The following MBNL2 variants were observed in gnomAD, a reference collection of about 807,000 sequenced individuals.
MBNL2 encodes muscleblind-like protein 2.
Under a neutral mutation model 41.9 loss-of-function variants are expected in MBNL2, and 17 were observed. That is an observed-to-expected ratio of 0.41 (90% CI 0.28 to 0.61). The LOEUF is 0.61. Ranked by LOEUF, MBNL2 falls within the 20% of genes least tolerant of loss-of-function variation. The pLI is 0.35. For missense variants in MBNL2, 336 were observed against 505.6 expected (o/e 0.66, Z 3.22); for synonymous variants, 195 against 182.9 (o/e 1.07, Z -0.53).
At chr13:97,219,531 G>A (rs1437681613), upstream of MBNL2, among the ~76,000 whole-genome samples, 1 of 152,198 alleles carries the variant, frequency 6.6e-6, no homozygotes, top group Non-Finnish European at 1.5e-5. Flanking sequence ...TGAGGTCTCT[G>A]TTCCTGGCTT....
chr13:97,318,863 A>T (rs1415418374), intron 2 of MBNL2, among the ~76,000 whole-genome samples: 3 of 152,214 alleles, frequency 2.0e-5, no homozygotes, highest in Non-Finnish European at 4.4e-5. Flanking sequence ...GGACACAGAG[A>T]TGGAGATTTC....
chr13:97,205,333 T>C, the MBNL2 span, among the ~76,000 whole-genome samples: 68 of 151,274 alleles, frequency 4.5e-4, no homozygotes, highest in Admixed American at 2.0e-3. Flanking sequence ...AGAGGTACAA[T>C]GAGCTGAGAT....
intron 1 of MBNL2, among the ~76,000 whole-genome samples, chr13:97,255,717 A>C (rs1218937841): frequency 6.6e-6 from 1 of 152,180 alleles, no homozygotes; most frequent in African/African-American, 2.4e-5. Context: ...TCTTTTATTC[A>C]AGAAACTGTT....
At chr13:97,209,449 A>T in the MBNL2 span, among the ~76,000 whole-genome samples, 3 of 152,330 alleles carry the variant, frequency 2.0e-5, no homozygotes, top group South Asian at 4.1e-4. Flanking sequence ...GAAGGTAAAG[A>T]AAGTGACTTC....
intron 1 of MBNL2, among the ~76,000 whole-genome samples, chr13:97,235,099 A>C (rs9582120): frequency 0.015 from 2,214 of 152,278 alleles, 48 homozygotes; most frequent in African/African-American, 0.049. Context: ...CCATTTCTCT[A>C]TGAGGTGACC....
At chr13:97,326,187 A>G (rs1165614762) in intron 2 of MBNL2, among the ~76,000 whole-genome samples, 2 of 152,228 alleles carry the variant, frequency 1.3e-5, no homozygotes, top group Non-Finnish European at 2.9e-5. Context: ...CCACTTACCT[A>G]TGTAACTTCA....
At chr13:97,351,703 A>T (rs1242786937) in intron 5 of MBNL2, among the ~76,000 whole-genome samples, 2 of 152,128 alleles carry the variant, frequency 1.3e-5, no homozygotes, top group East Asian at 3.8e-4. Flanking sequence ...GCCTTCATAG[A>T]ATTGAGGAGA....
intron 5 of MBNL2, among the ~76,000 whole-genome samples, chr13:97,355,844 A>G (rs966304452): frequency 6.6e-6 from 1 of 152,148 alleles, no homozygotes. Context: ...ACTTTTCATT[A>G]ATGGGGTTGC....
chr13:97,266,730 T>C (rs973170531), intron 1 of MBNL2, among the ~76,000 whole-genome samples: 15 of 152,050 alleles, frequency 9.9e-5, no homozygotes, highest in African/African-American at 3.6e-4. Flanking sequence ...AAAATATATA[T>C]TTTAAGAATT....
At chr13:97,354,056 A>AT (rs2153101517) in intron 5 of MBNL2, among the ~76,000 whole-genome samples, 1 of 151,132 alleles carries the variant, frequency 6.6e-6, no homozygotes, top group East Asian at 1.9e-4. Flanking sequence ...AAAAAAAAAA[A>AT]GCCTAGCTGC....
chr13:97,146,900 A>G, the MBNL2 span, among the ~76,000 whole-genome samples: 1 of 151,704 alleles, frequency 6.6e-6, no homozygotes, highest in East Asian at 1.9e-4. Flanking sequence ...TGAAAAGGCA[A>G]CTCCCATTGG....
intron 8 of MBNL2, among the ~76,000 whole-genome samples, chr13:97,390,087 G>A (rs959987443): frequency 1.3e-5 from 2 of 151,976 alleles, no homozygotes; most frequent in Non-Finnish European, 2.9e-5. Context: ...GAATATTTAA[G>A]AATCAAAGAA....
At chr13:97,183,934 C>CT in the MBNL2 span, among the ~76,000 whole-genome samples, 11 of 152,142 alleles carry the variant, frequency 7.2e-5, no homozygotes, top group Non-Finnish European at 1.3e-4. Flanking sequence ...TCCCCAGTCT[C>CT]TTTTTTTCAC....
intron 1 of MBNL2, among the ~76,000 whole-genome samples, chr13:97,224,075 G>A (rs373676971): frequency 4.0e-4 from 61 of 152,282 alleles, no homozygotes; most frequent in African/African-American, 1.4e-3. Flanking sequence ...ATGTCGGGCC[G>A]GTCAGCACAG....
the MBNL2 span, among the ~76,000 whole-genome samples, chr13:97,181,652 C>A: frequency 6.6e-6 from 1 of 152,178 alleles, no homozygotes; most frequent in East Asian, 1.9e-4. Context: ...TTTCAGGAGG[C>A]AGTCTAAGCA....
chr13:97,283,124 C>T (rs958482490), intron 2 of MBNL2, among the ~76,000 whole-genome samples: 6 of 152,210 alleles, frequency 3.9e-5, no homozygotes, highest in South Asian at 2.1e-4. Context: ...TCTTTCACCA[C>T]GCTCACCGCC....
Position 97,391,526 on chromosome 13 carries a change from T to G in MBNL2, c.*77T>G, listed in dbSNP as rs2066393154. 5.2e-6 allele frequency: 4 copies of G among 762,728 alleles called. No individual in the cohort carries two copies. In the East Asian group the frequency reaches 9.9e-5, roughly 19 times the overall value. 47.2% of individuals were successfully genotyped at this position (762,728 alleles called of 1,614,324 possible). On this transcript the variant is annotated 3_prime_UTR_variant, in exon 9 of 9. Coordinates refer to ENST00000679496, the MANE Select transcript of MBNL2 (RefSeq NM_001382683.1). Reference sequence around the variant, plus strand: ...CTATCTCATATATGAGTATTAAATATGGTATGCTTAGTATATTCCAACCTA... The same window carrying G: ...CTATCTCATATATGAGTATTAAATAGGGTATGCTTAGTATATTCCAACCTA...
intron 4 of MBNL2, among the ~76,000 whole-genome samples, chr13:97,343,744 A>C (rs928867765): frequency 2.3e-4 from 35 of 152,208 alleles, no homozygotes; most frequent in African/African-American, 8.2e-4. Flanking sequence ...CTGGCATATT[A>C]GTTCTGATTG....
chr13:97,221,385 TAAATA>T (rs1392491247), upstream of MBNL2: 1 of 152,016 alleles, frequency 6.6e-6, no homozygotes, highest in Non-Finnish European at 1.5e-5. Context: ...AATAAATAAA[TAAATA>T]AATAAATAAC....
Sources: gnomAD v4.1 joint callset for allele counts (sites outside exome capture counted in the v4.1 genomes callset) on GRCh38, gnomAD v4.1.1 for gene constraint, MANE v1.5 for transcripts, NCBI Gene and HGNC (gene_info 2026-07-23, HGNC 2026-07-21) for gene names.